Variants in PPP2R5C observed in about 807,000 individuals in gnomAD.
PPP2R5C encodes the protein serine/threonine-protein phosphatase 2A 56 kDa regulatory subunit gamma isoform.
Under a neutral mutation model 68.9 loss-of-function variants are expected in PPP2R5C, and 7 were observed. The observed-to-expected ratio is 0.10, with a 90% CI of 0.06 to 0.19. The LOEUF is 0.19. PPP2R5C is among the 10% of genes least tolerant of loss of function. The pLI is 1.00. For synonymous variants in PPP2R5C, 210 were observed against 222.2 expected (o/e 0.95, Z 0.49); for missense variants, 348 against 641.3 (o/e 0.54, Z 4.94).
chr14:101,892,393 G>GC (rs1566945958), intron 6 of PPP2R5C, among the ~76,000 whole-genome samples: 6 of 134,838 alleles, frequency 4.4e-5, no homozygotes, highest in African/African-American at 1.6e-4. Flanking sequence ...TGGGTGGGGG[G>GC]TGGGGGGGGT....
At chr14:101,900,777 A>G (rs573896475) in intron 8 of PPP2R5C, among the ~76,000 whole-genome samples, 2 of 152,222 alleles carry the variant, frequency 1.3e-5, no homozygotes, top group South Asian at 4.1e-4. Flanking sequence ...AACATCCACT[A>G]TCCACAAACT....
chr14:101,783,717 G>C lies in PPP2R5C; in HGVS notation c.94-2301G>C, dbSNP rs186428264. Among the ~76,000 whole-genome samples the C allele has an allele frequency of 5.6e-3, 849 of 152,344 alleles. 4 individuals are homozygous for C. Among genetic ancestry groups the C allele is most frequent in the Non-Finnish European group, 9.8e-3 (667 of 68,032 alleles). On this transcript the variant is annotated intron_variant, in intron 2 of 14. Coordinates refer to the PPP2R5C transcript ENST00000328724. Reference sequence around the variant, plus strand: ...CCATGCAGCCGACCTTCCAGCGGGGGTCAGAAGCCACGGGGGAGCCCTGTC... The same window carrying C: ...CCATGCAGCCGACCTTCCAGCGGGGCTCAGAAGCCACGGGGGAGCCCTGTC...
intron 3 of PPP2R5C, among the ~76,000 whole-genome samples, chr14:101,791,474 A>C (rs1341696155): frequency 1.3e-5 from 2 of 152,352 alleles, no homozygotes; most frequent in East Asian, 3.9e-4. Flanking sequence ...ACAGAAGTGA[A>C]GTACAAAATA....
intron 1 of PPP2R5C, chr14:101,839,569 A>C (rs1468408665): frequency 6.6e-6 from 1 of 152,448 alleles, no homozygotes; most frequent in African/African-American, 2.4e-5. Flanking sequence ...CTGTGATCCC[A>C]TGTCCTGGAA....
chr14:101,806,717 T>A (rs1470031016), upstream of PPP2R5C, among the ~76,000 whole-genome samples: 1 of 152,198 alleles, frequency 6.6e-6, no homozygotes, highest in African/African-American at 2.4e-5. Context: ...CTCAGCACTT[T>A]GGGAGGCTGA....
chr14:101,919,654 C>T (rs936722515), intron 13 of PPP2R5C, among the ~76,000 whole-genome samples: 2 of 152,096 alleles, frequency 1.3e-5, no homozygotes, highest in Admixed American at 6.6e-5. Context: ...TTTTAAGACA[C>T]GAGGCTATAC....
At chr14:101,834,175 C>A (rs972957177) in intron 1 of PPP2R5C, among the ~76,000 whole-genome samples, 1 of 152,170 alleles carries the variant, frequency 6.6e-6, no homozygotes, top group African/African-American at 2.4e-5. Context: ...CAGATTATAT[C>A]CCATGTGAAG....
intron 1 of PPP2R5C, among the ~76,000 whole-genome samples, chr14:101,838,740 T>C (rs1348633044): frequency 6.6e-6 from 1 of 152,226 alleles, no homozygotes; most frequent in Non-Finnish European, 1.5e-5. Context: ...TTCTTCTTGG[T>C]TGTATAAATC....
chr14:101,799,749 A>G (rs187926559), intron 3 of PPP2R5C, among the ~76,000 whole-genome samples: 9 of 152,026 alleles, frequency 5.9e-5, no homozygotes, highest in South Asian at 2.1e-4. Context: ...CAGGGAGTCA[A>G]CCTCCTCTAA....
chr14:101,885,297 A>C (rs2044421934), intron 5 of PPP2R5C, among the ~76,000 whole-genome samples: 1 of 151,890 alleles, frequency 6.6e-6, no homozygotes, highest in African/African-American at 2.4e-5. Flanking sequence ...CCCCTGCCAA[A>C]ACCCACAGCC....
At chr14:101,883,625 T>A (rs766505233) in intron 5 of PPP2R5C, 63 bp downstream of exon 7, 1 of 1,568,342 alleles carries the variant, frequency 6.4e-7, no homozygotes, top group Non-Finnish European at 8.7e-7. Context: ...CCCTCGATGC[T>A]CCCCTACCCC....
At chr14:101,830,608 A>T (rs2040679033) in intron 1 of PPP2R5C, among the ~76,000 whole-genome samples, 1 of 152,218 alleles carries the variant, frequency 6.6e-6, no homozygotes, top group Non-Finnish European at 1.5e-5. Context: ...CTCATCCTGA[A>T]GTGTATCTGG....
chr14:101,896,153 G>A (rs1405785491), intron 8 of PPP2R5C, among the ~76,000 whole-genome samples: 1 of 151,942 alleles, frequency 6.6e-6, no homozygotes, highest in East Asian at 1.9e-4. Context: ...CCAAGTAGCT[G>A]GGATTACAGG....
intron 1 of PPP2R5C, among the ~76,000 whole-genome samples, chr14:101,833,835 T>G (rs745511218): frequency 6.6e-6 from 1 of 152,222 alleles, no homozygotes; most frequent in Non-Finnish European, 1.5e-5. Context: ...GGAGTCTCGC[T>G]CTGTCACCCA....
chr14:101,907,502 C>T (rs960081573), intron 10 of PPP2R5C, among the ~76,000 whole-genome samples: 17 of 152,132 alleles, frequency 1.1e-4, no homozygotes, highest in Admixed American at 9.8e-4. Flanking sequence ...TCTAATATTC[C>T]TGCTATTTAA....
intron 11 of PPP2R5C, 115 bp from the exon 14 acceptor site, chr14:101,912,286 G>T: frequency 1.3e-6 from 1 of 750,672 alleles, no homozygotes; most frequent in South Asian, 2.7e-5. Context: ...AAATGGAGCA[G>T]GGGGGCTGCG....
chr14:101,773,251 T>G (rs2037246273), intron 2 of PPP2R5C, among the ~76,000 whole-genome samples: 1 of 152,064 alleles, frequency 6.6e-6, no homozygotes, highest in Admixed American at 6.6e-5. Flanking sequence ...TGAGAGCGTC[T>G]CACCTTTGCA....
At chr14:101,890,413 G>T (rs2044791377) in intron 6 of PPP2R5C, 117 bp downstream of exon 8, 22 of 960,806 alleles carry the variant, frequency 2.3e-5, no homozygotes, top group Non-Finnish European at 2.8e-5. Context: ...TTCTCTAAAA[G>T]AATTCAAATA....
At chr14:101,922,518 G>T (rs991660553) in intron 13 of PPP2R5C, among the ~76,000 whole-genome samples, 3 of 148,806 alleles carry the variant, frequency 2.0e-5, no homozygotes, top group Admixed American at 1.3e-4. Flanking sequence ...TTTTTAAAAA[G>T]AAAGAAATTT....
Sources: allele counts gnomAD v4.1 joint callset (sites outside exome capture counted in the v4.1 genomes callset), GRCh38; gene constraint gnomAD v4.1.1; transcripts MANE v1.5; gene names NCBI Gene and HGNC (gene_info 2026-07-23, HGNC 2026-07-21).